RFT1: variants seen among roughly 807,000 people sequenced by gnomAD.
RFT1 encodes RFT1 glycolipid translocator homolog.
A neutral mutation model predicts 62.2 loss-of-function variants in RFT1; 43 were observed. The ratio of observed to expected loss-of-function variants is 0.69; its 90% CI spans 0.54 to 0.89. The LOEUF (loss-of-function observed/expected upper bound fraction) is 0.89, where lower values mean the gene tolerates loss of function less well. RFT1 is among the 40% of genes least tolerant of loss of function. RFT1 has a pLI of 0.00. For synonymous variants in RFT1, 262 were observed against 264.6 expected (o/e 0.99, Z 0.10); for missense variants, 605 against 649.9 (o/e 0.93, Z 0.75).
rs766042717 is a variant in RFT1, at chr3:53,106,864, G to C, written c.781C>G (p.Arg261Gly). ...ACATTCAAAAATGTCATCACATATC[G>C]CTCGCCTATAAACAAAAAAGCAAAA... Reference protein sequence around the residue: ...FLKQILTEGERYVMTFLNVLN... With the variant: ...FLKQILTEGEGYVMTFLNVLN... Residue 261 changes from arginine (R) to glycine (G), a missense_variant, in exon 8 of 13, where the codon CGA (arginine) becomes GGA (glycine). Transcript: ENST00000296292. 96 of 1,612,234 alleles carry C rather than the reference G, an allele frequency of 6.0e-5. No individual in the cohort carries two copies. The highest frequency in any genetic ancestry group is 7.6e-5 in the Non-Finnish European group (90 of 1,178,744).
the RFT1 span, among the ~76,000 whole-genome samples, chr3:53,072,404 G>A: frequency 6.6e-6 from 1 of 152,166 alleles, no homozygotes; most frequent in African/African-American, 2.4e-5. Context: ...CAGGGCTGCT[G>A]GGCGTGCTTG....
At chr3:53,126,033 G>A (rs763632496) in intron 1 of RFT1, 39 bp from the exon 2 acceptor site, 24 of 1,480,518 alleles carry the variant, frequency 1.6e-5, no homozygotes, top group South Asian at 5.8e-5. Context: ...AATAAATGAC[G>A]TTAGAAGTGT....
intron 6 of RFT1, among the ~76,000 whole-genome samples, chr3:53,116,601 T>C (rs1361559474): frequency 6.6e-6 from 1 of 151,736 alleles, no homozygotes; most frequent in African/African-American, 2.4e-5. Context: ...GCCTCTTTTT[T>C]TCTTTCTCTT....
intron 7 of RFT1, among the ~76,000 whole-genome samples, chr3:53,107,530 G>A (rs1701521273): frequency 6.6e-6 from 1 of 151,944 alleles, no homozygotes; most frequent in Non-Finnish European, 1.5e-5. Flanking sequence ...CAGATAATCT[G>A]AGCGTAAATT....
intron 9 of RFT1, among the ~76,000 whole-genome samples, chr3:53,104,831 C>T (rs181180136): frequency 3.3e-5 from 5 of 152,366 alleles, no homozygotes; most frequent in Admixed American, 3.3e-4. Flanking sequence ...AGATTAAAAT[C>T]TCTTCTTCTG....
chr3:53,118,363 C>T (rs1701868179), intron 6 of RFT1, among the ~76,000 whole-genome samples: 1 of 152,144 alleles, frequency 6.6e-6, no homozygotes, highest in Admixed American at 6.5e-5. Flanking sequence ...TGAGTCCTAA[C>T]CATCTAAGCC....
rs761137768 is a variant in RFT1 at position 53,125,986 on chromosome 3, AAAC to A, written c.69_71del (p.Leu23del). The A allele has an allele frequency of 1.1e-5, 18 of 1,612,820 alleles. No homozygotes were observed. Among genetic ancestry groups the A allele is most frequent in the Admixed American group, 3.3e-5 (2 of 59,942 alleles). The stretch of plus-strand genomic sequence containing the variant: ...CATTCAAGACAAAGGTGATCAACCG[AAAC>A]AACACCTATAGAAAAAGAGGAAAAA... On this transcript the variant is annotated inframe_deletion, in exon 2 of 13. Transcript: ENST00000296292.
intron 11 of RFT1, among the ~76,000 whole-genome samples, chr3:53,096,878 G>A (rs1349055300): frequency 6.6e-6 from 1 of 151,984 alleles, no homozygotes; most frequent in African/African-American, 2.4e-5. Context: ...GCGGGTAGCT[G>A]GGATTACAGG....
At chr3:53,088,174 A>ATT (rs1700899189), downstream of RFT1, among the ~76,000 whole-genome samples, 1 of 152,138 alleles carries the variant, frequency 6.6e-6, no homozygotes, top group Non-Finnish European at 1.5e-5. Context: ...CAAAACAAGG[A>ATT]CCAGGCCAGA....
rs755150404 is a variant in RFT1, at chr3:53,108,703, GT to G, written c.776-1835del. The stretch of plus-strand genomic sequence containing the variant: ...CAGCTTGCTTTCATATCTTTAAATG[GT>G]TTTTTTTTTTTTTGAGACAGAGTTT... On this transcript the variant is annotated intron_variant, in intron 7 of 12. Transcript: ENST00000296292. 4.7e-3 allele frequency among the ~76,000 whole-genome samples: 661 copies of G among 140,156 alleles called. 4 individuals carry two copies. The highest frequency in any genetic ancestry group is 0.012 in the African/African-American group (478 of 38,456). 91.9% of individuals were successfully genotyped at this position (140,156 alleles called of 152,430 possible).
At chr3:53,129,951 G>A (rs527659829) in intron 1 of RFT1, among the ~76,000 whole-genome samples, 1 of 152,304 alleles carries the variant, frequency 6.6e-6, no homozygotes, top group East Asian at 1.9e-4. Flanking sequence ...TCGGAACTCA[G>A]TGGGACTCAA....
At chr3:53,087,974 T>C (rs1700895463), downstream of RFT1, among the ~76,000 whole-genome samples, 1 of 152,186 alleles carries the variant, frequency 6.6e-6, no homozygotes, top group African/African-American at 2.4e-5. Flanking sequence ...GAAATAACAG[T>C]CTTTGAACTA....
chr3:53,101,087 G>A (rs1474493140), intron 10 of RFT1, among the ~76,000 whole-genome samples: 1 of 152,114 alleles, frequency 6.6e-6, no homozygotes, highest in African/African-American at 2.4e-5. Context: ...TCCATGCTGT[G>A]GGACCCCTAA....
downstream of RFT1, among the ~76,000 whole-genome samples, chr3:53,088,153 T>G (rs974898449): frequency 6.6e-6 from 1 of 152,154 alleles, no homozygotes; most frequent in African/African-American, 2.4e-5. Context: ...AATGGCCGTT[T>G]AATAAACAAA....
chr3:53,118,619 A>G (rs1269346604), intron 6 of RFT1, among the ~76,000 whole-genome samples: 1 of 152,176 alleles, frequency 6.6e-6, no homozygotes, highest in East Asian at 1.9e-4. Flanking sequence ...CATGTGCCTT[A>G]CCACAACTGA....
At chr3:53,101,462 G>A (rs572681506) in intron 10 of RFT1, among the ~76,000 whole-genome samples, 8 of 152,346 alleles carry the variant, frequency 5.3e-5, no homozygotes, top group Non-Finnish European at 8.8e-5. Flanking sequence ...GTGGGCTGTC[G>A]TGAGGCATGG....
intron 10 of RFT1, among the ~76,000 whole-genome samples, chr3:53,100,252 G>A (rs566488867): frequency 6.6e-6 from 1 of 152,282 alleles, no homozygotes; most frequent in East Asian, 1.9e-4. Context: ...GCCCATAATA[G>A]TATTTTCTTC....
chr3:53,076,535 C>G, the RFT1 span, among the ~76,000 whole-genome samples: 1 of 152,136 alleles, frequency 6.6e-6, no homozygotes, highest in Non-Finnish European at 1.5e-5. Context: ...ACAATGTTTG[C>G]GTAGCGTTAA....
the RFT1 span, among the ~76,000 whole-genome samples, chr3:53,082,898 C>T: frequency 6.6e-6 from 1 of 152,040 alleles, no homozygotes; most frequent in African/African-American, 2.4e-5. Context: ...TCGTGTACTT[C>T]AAAAGACAGA....
Sources: allele counts gnomAD v4.1 joint callset (sites outside exome capture counted in the v4.1 genomes callset), GRCh38; gene constraint gnomAD v4.1.1; transcripts MANE v1.5; gene names NCBI Gene and HGNC (gene_info 2026-07-23, HGNC 2026-07-21).